Variants in ERBB4 observed in about 807,000 individuals in gnomAD.
The protein encoded by ERBB4 is receptor tyrosine-protein kinase erbB-4.
Under a neutral mutation model 158.0 loss-of-function variants are expected in ERBB4, and 42 were observed. The ratio of observed to expected loss-of-function variants is 0.27; its 90% confidence interval spans 0.21 to 0.34. The LOEUF is 0.34. ERBB4 is among the 10% of genes least tolerant of loss of function. The pLI, the probability that ERBB4 is intolerant of heterozygous loss-of-function variation, is 1.00. For synonymous variants in ERBB4, 583 were observed against 558.7 expected (o/e 1.04, Z -0.61); for missense variants, 1,333 against 1,624.1 (o/e 0.82, Z 3.08).
intron 1 of ERBB4, among the ~76,000 whole-genome samples, chr2:212,495,613 C>A (rs1021900378): frequency 6.6e-6 from 1 of 152,140 alleles, no homozygotes; most frequent in Non-Finnish European, 1.5e-5. Context: ...CCTGGCGAGG[C>A]ACGTGCTATG....
At chr2:212,155,346 G>C (rs2081003417) in intron 1 of ERBB4, among the ~76,000 whole-genome samples, 1 of 128,116 alleles carries the variant, frequency 7.8e-6, no homozygotes, top group African/African-American at 2.8e-5. Flanking sequence ...CAAGGATAAT[G>C]ATCTAATAGT....
At chr2:212,055,292 C>T (rs563288106) in intron 2 of ERBB4, among the ~76,000 whole-genome samples, 152 of 152,310 alleles carry the variant, frequency 1.0e-3, no homozygotes, top group Admixed American at 1.6e-3. Context: ...GTAAACAAAG[C>T]GGCCAGGAAG....
intron 16 of ERBB4, among the ~76,000 whole-genome samples, chr2:211,631,652 C>G (rs2070137198): frequency 1.3e-5 from 2 of 152,174 alleles, no homozygotes; most frequent in Admixed American, 6.5e-5. Context: ...TTAACTTGTT[C>G]TAGAGTAGAG....
In ERBB4 at chr2:212,005,939, AAAT is replaced by A. The variant is rs546220485; in HGVS notation, c.235-58326_235-58324del. 6.6e-5 allele frequency among the ~76,000 whole-genome samples: 10 copies of A among 152,256 alleles called. 1 individual carries two copies. The South Asian group carries it at 2.1e-3, about 32-fold the overall frequency. On this transcript the variant is annotated intron_variant, in intron 2 of 27. Transcript: ENST00000342788. ...AATTCTACTTAAAAAATAAATACAT[AAAT>A]AACACTAAAAACTACATATTAGGAT...
rs76603692 is a variant in ERBB4 at position 211,712,052 on chromosome 2, A to G, written c.1122T>C (p.His374=). The stretch of plus-strand genomic sequence containing the variant: ...TTGCACAAAAATTTAATACTGACCC[A>G]TGAATACCAGTGACTAGAAAGATCA... The part of the protein sequence containing the change: ...GNLIFLVTGI[H]GDPYNAIEAI... Residue 374 remains histidine (H), a splice_region_variant and synonymous_variant, in exon 9 of 28, where the codon CAT becomes CAC. Coordinates refer to ENST00000342788, the MANE Select transcript of ERBB4 (RefSeq NM_005235.3). The G allele has an allele frequency of 6.2e-6, 10 of 1,611,426 alleles. No homozygotes were observed. Among genetic ancestry groups the G allele is most frequent in the Non-Finnish European group, 7.6e-6 (9 of 1,177,890 alleles).
chr2:212,347,404 G>A (rs1394319628), intron 1 of ERBB4, among the ~76,000 whole-genome samples: 9 of 152,012 alleles, frequency 5.9e-5, no homozygotes, highest in Non-Finnish European at 1.5e-5. Context: ...TCAAAAAAAA[G>A]GGCATTGGGA....
intron 1 of ERBB4, among the ~76,000 whole-genome samples, chr2:212,351,342 T>C (rs2089243267): frequency 6.6e-6 from 1 of 152,068 alleles, no homozygotes; most frequent in South Asian, 2.1e-4. Context: ...CCTCCAGAAC[T>C]ATGGTAAAAT....
chr2:211,670,133 T>G (rs532156763), intron 14 of ERBB4, among the ~76,000 whole-genome samples: 103 of 152,316 alleles, frequency 6.8e-4, no homozygotes, highest in African/African-American at 2.3e-3. Context: ...CCAGAACCTC[T>G]TGGATATCTT....
chr2:211,376,393 A>G lies in ERBB4; in HGVS notation c.*7222T>C, dbSNP rs2062473779. 1 of 232,852 alleles carries G rather than the reference A, an allele frequency of 4.3e-6. No individual in the cohort carries two copies. Among genetic ancestry groups the G allele is most frequent in the Non-Finnish European group, 8.5e-6 (1 of 117,596 alleles). The allele number at this position is 232,852 out of a possible 1,614,324, so 14.4% of individuals were successfully genotyped here. A position where few individuals can be genotyped will look rare whatever the true frequency, so the allele number is the denominator to read the frequency against. Reference sequence around the variant, plus strand: ...AATGCAACTAGCCATGTCTTTAACAAGCTATAAAAATACTATTCACATTTT... The same window carrying G: ...AATGCAACTAGCCATGTCTTTAACAGGCTATAAAAATACTATTCACATTTT... On this transcript the variant is annotated 3_prime_UTR_variant, in exon 28 of 28. Coordinates refer to ENST00000342788, the MANE Select transcript of ERBB4 (RefSeq NM_005235.3).
chr2:212,468,099 T>C (rs1160366242), intron 1 of ERBB4, among the ~76,000 whole-genome samples: 1 of 152,156 alleles, frequency 6.6e-6, no homozygotes, highest in South Asian at 2.1e-4. Flanking sequence ...TGTACCCCCA[T>C]TGTATCTAGG....
chr2:212,350,727 T>C (rs1003521464), intron 1 of ERBB4, among the ~76,000 whole-genome samples: 1 of 152,040 alleles, frequency 6.6e-6, no homozygotes, highest in African/African-American at 2.4e-5. Flanking sequence ...TGACACAAGT[T>C]TTCAAGAAAT....
intron 1 of ERBB4, among the ~76,000 whole-genome samples, chr2:212,353,821 A>G (rs2089357999): frequency 6.6e-6 from 1 of 152,118 alleles, no homozygotes; most frequent in African/African-American, 2.4e-5. Context: ...GAAACCATGT[A>G]ACTAAATCTG....
chr2:211,830,488 T>C (rs372805048), intron 3 of ERBB4, among the ~76,000 whole-genome samples: 4 of 152,168 alleles, frequency 2.6e-5, no homozygotes, highest in African/African-American at 9.6e-5. Flanking sequence ...TACATTTAAT[T>C]ATTAGCCTTT....
intron 4 of ERBB4, among the ~76,000 whole-genome samples, chr2:211,768,866 C>A (rs1295337048): frequency 6.6e-6 from 1 of 152,216 alleles, no homozygotes; most frequent in Non-Finnish European, 1.5e-5. Flanking sequence ...TGGCTCCTTA[C>A]TTATGCCAAT....
chr2:212,373,751 ATG>A (rs1190269337), intron 1 of ERBB4, among the ~76,000 whole-genome samples: 13 of 140,858 alleles, frequency 9.2e-5, no homozygotes, highest in African/African-American at 3.5e-4. Flanking sequence ...ATATATATCC[ATG>A]TATATATCCA....
intron 12 of ERBB4, among the ~76,000 whole-genome samples, chr2:211,688,871 A>G (rs2105989634): frequency 6.6e-6 from 1 of 151,364 alleles, no homozygotes; most frequent in South Asian, 2.1e-4. Context: ...CTGTGTAGAT[A>G]GGATTGACCC....
chr2:212,151,697 T>A (rs1453506621), intron 1 of ERBB4, among the ~76,000 whole-genome samples: 1 of 152,004 alleles, frequency 6.6e-6, no homozygotes, highest in Non-Finnish European at 1.5e-5. Context: ...GAGATCAGCC[T>A]GGACAACATG....
intron 20 of ERBB4, among the ~76,000 whole-genome samples, chr2:211,506,420 A>C (rs1559237552): frequency 6.6e-6 from 1 of 151,794 alleles, no homozygotes; most frequent in African/African-American, 2.4e-5. Context: ...CCTAATAGAC[A>C]TTTATAAAAC....
At chr2:212,305,287 G>A (rs987129522) in intron 1 of ERBB4, among the ~76,000 whole-genome samples, 1 of 151,290 alleles carries the variant, frequency 6.6e-6, no homozygotes, top group East Asian at 2.0e-4. Context: ...ATTAATGTAT[G>A]CTGTTTAGTG....
Sources: gnomAD v4.1 joint callset for allele counts (sites outside exome capture counted in the v4.1 genomes callset) on GRCh38, gnomAD v4.1.1 for gene constraint, MANE v1.5 for transcripts, NCBI Gene and HGNC (gene_info 2026-07-23, HGNC 2026-07-21) for gene names.